Variants in LRRC4C observed in about 807,000 individuals in gnomAD.
The protein encoded by LRRC4C is leucine rich repeat containing 4C.
Under a neutral mutation model 33.6 loss-of-function variants are expected in LRRC4C, and 5 were observed. The ratio of observed to expected loss-of-function variants is 0.15; its 90% CI spans 0.08 to 0.31. The LOEUF (loss-of-function observed/expected upper bound fraction) is 0.31, where lower values mean the gene tolerates loss of function less well. Among genes scored for constraint, LRRC4C ranks in the 10% least tolerant of loss-of-function variants. The pLI, the probability that LRRC4C is intolerant of heterozygous loss-of-function variation, is 1.00. For synonymous variants in LRRC4C, 329 were observed against 302.0 expected (o/e 1.09, Z -0.93); for missense variants, 560 against 796.7 (o/e 0.70, Z 3.58).
chr11:40,961,346 G>T (rs1850965874), intron 1 of LRRC4C, among the ~76,000 whole-genome samples: 1 of 151,564 alleles, frequency 6.6e-6, no homozygotes, highest in Admixed American at 6.6e-5. Flanking sequence ...GCTCCATTTT[G>T]TTACCAGGAA....
intron 1 of LRRC4C, among the ~76,000 whole-genome samples, chr11:41,288,412 G>T (rs1415685725): frequency 6.6e-6 from 1 of 152,088 alleles, no homozygotes; most frequent in Non-Finnish European, 1.5e-5. Flanking sequence ...TCAGAAACTG[G>T]GGAGAGAGAG....
chr11:41,394,678 T>C, intron 1 of LRRC4C: 1 of 151,982 alleles, frequency 6.6e-6, no homozygotes, highest in East Asian at 1.9e-4. Flanking sequence ...AGCCATTGAC[T>C]ACTGGCTATT....
At chr11:40,935,900 A>C (rs114537754) in intron 1 of LRRC4C, among the ~76,000 whole-genome samples, 1 of 150,480 alleles carries the variant, frequency 6.6e-6, no homozygotes, top group Non-Finnish European at 1.5e-5. Flanking sequence ...GTCCTCAGCT[A>C]TAAACTAGAG....
chr11:40,854,845 A>G (rs1953702466), intron 2 of LRRC4C, among the ~76,000 whole-genome samples: 1 of 151,988 alleles, frequency 6.6e-6, no homozygotes, highest in African/African-American at 2.4e-5. Flanking sequence ...AGTTGGCTGG[A>G]TATAACTTAC....
intron 3 of LRRC4C, among the ~76,000 whole-genome samples, chr11:40,393,957 GTTTTT>G (rs1052638283): frequency 1.3e-5 from 2 of 151,806 alleles, no homozygotes; most frequent in African/African-American, 2.4e-5. Flanking sequence ...AAATGGATCA[GTTTTT>G]TTTAACTTAA....
At chr11:41,188,668 A>G (rs1304412407) in intron 1 of LRRC4C, among the ~76,000 whole-genome samples, 1 of 151,128 alleles carries the variant, frequency 6.6e-6, no homozygotes, top group African/African-American at 2.4e-5. Context: ...TCTCTTCTAA[A>G]TGAAGGGGGA....
intron 3 of LRRC4C, among the ~76,000 whole-genome samples, chr11:40,326,047 T>C (rs1590323846): frequency 6.8e-6 from 1 of 147,200 alleles, no homozygotes; most frequent in Admixed American, 6.9e-5. Flanking sequence ...TGCTGAAAGG[T>C]GGCATTTGGA....
At chr11:40,867,802 C>T (rs1455773022) in intron 2 of LRRC4C, among the ~76,000 whole-genome samples, 1 of 152,158 alleles carries the variant, frequency 6.6e-6, no homozygotes, top group South Asian at 2.1e-4. Flanking sequence ...AAAGCCAGTC[C>T]TTCAGAGGTC....
intron 4 of LRRC4C, among the ~76,000 whole-genome samples, chr11:40,288,900 C>T (rs1944014985): frequency 6.6e-6 from 1 of 152,080 alleles, no homozygotes; most frequent in Non-Finnish European, 1.5e-5. Flanking sequence ...GCTAAAATGA[C>T]ACACTTAAAA....
intron 1 of LRRC4C, among the ~76,000 whole-genome samples, chr11:41,223,582 A>G (rs1265347630): frequency 6.6e-6 from 1 of 152,224 alleles, no homozygotes; most frequent in Non-Finnish European, 1.5e-5. Flanking sequence ...TGTCTTGTCC[A>G]AAACTTACTC....
intron 2 of LRRC4C, among the ~76,000 whole-genome samples, chr11:40,780,860 G>A (rs1200925753): frequency 1.3e-5 from 2 of 151,872 alleles, no homozygotes; most frequent in African/African-American, 4.8e-5. Context: ...AGGTGAAGAG[G>A]TCTAGGGAGT....
rs1201556236 is a variant in LRRC4C at position 40,987,648 on chromosome 11, TATATCTC to T, written c.-495-53932_-495-53926del. Among the ~76,000 whole-genome samples, 183 of 49,054 alleles carry T rather than the reference TATATCTC, an allele frequency of 3.7e-3. 11 individuals carry two copies. The highest frequency in any genetic ancestry group is 9.7e-3 in the African/African-American group (125 of 12,874). The allele number at this position is 49,054 out of a possible 152,430, so 32.2% of individuals were successfully genotyped here. On this transcript the variant is annotated intron_variant, in intron 1 of 6. Transcript: ENST00000528697. Reference sequence around the variant, plus strand: ...GGGTAATGATATATATATATATATATATATCTCATATATATGAGATATAAATGATATA... The same window carrying T: ...GGGTAATGATATATATATATATATATATATATATGAGATATAAATGATATA...
intron 5 of LRRC4C, among the ~76,000 whole-genome samples, chr11:40,238,511 C>A (rs1378791771): frequency 6.6e-6 from 1 of 152,164 alleles, no homozygotes; most frequent in Non-Finnish European, 1.5e-5. Context: ...AGGAGCCTAG[C>A]AGAATCATTT....
intron 3 of LRRC4C, among the ~76,000 whole-genome samples, chr11:40,518,937 C>CT: frequency 6.6e-6 from 1 of 152,148 alleles, no homozygotes; most frequent in East Asian, 1.9e-4. Context: ...AGGTAATGTC[C>CT]TTTGCAGGGA....
At chr11:40,757,837 G>A (rs1427667428) in intron 2 of LRRC4C, among the ~76,000 whole-genome samples, 1 of 152,012 alleles carries the variant, frequency 6.6e-6, no homozygotes, top group Non-Finnish European at 1.5e-5. Flanking sequence ...AACACAGATA[G>A]CAATACTCTG....
At chr11:40,122,317 C>T (rs1049574315) in intron 6 of LRRC4C, among the ~76,000 whole-genome samples, 1 of 151,956 alleles carries the variant, frequency 6.6e-6, no homozygotes, top group Non-Finnish European at 1.5e-5. Flanking sequence ...ATAGGTTAAA[C>T]GTGTGCCATA....
At chr11:40,992,517 T>A (rs1016902962) in intron 1 of LRRC4C, among the ~76,000 whole-genome samples, 20 of 151,978 alleles carry the variant, frequency 1.3e-4, no homozygotes, top group African/African-American at 4.6e-4. Flanking sequence ...AACTGTTATA[T>A]TTTCCTGACC....
At chr11:40,387,798 T>G (rs1392563036) in intron 3 of LRRC4C, among the ~76,000 whole-genome samples, 1 of 152,212 alleles carries the variant, frequency 6.6e-6, no homozygotes, top group Non-Finnish European at 1.5e-5. Flanking sequence ...AAGGTAATAT[T>G]TGCATTTGTT....
intron 1 of LRRC4C, among the ~76,000 whole-genome samples, chr11:41,421,282 T>C (rs563484400): frequency 1.3e-5 from 2 of 152,128 alleles, no homozygotes; most frequent in South Asian, 4.1e-4. Flanking sequence ...TTTGGAGATA[T>C]TTCTACAGCT....
Sources: gnomAD v4.1 joint callset for allele counts (sites outside exome capture counted in the v4.1 genomes callset) on GRCh38, gnomAD v4.1.1 for gene constraint, MANE v1.5 for transcripts, NCBI Gene and HGNC (gene_info 2026-07-23, HGNC 2026-07-21) for gene names.